Variants in C12orf50 observed in about 807,000 individuals in gnomAD.
C12orf50 encodes zinc finger CCCH-type containing 11D, also known as uncharacterized protein C12orf50.
In C12orf50, 35 loss-of-function variants were observed where a neutral mutation model predicts 61.6. That is an observed-to-expected ratio of 0.57 (90% CI 0.43 to 0.75). C12orf50 has a LOEUF of 0.75. Ranked by LOEUF, C12orf50 falls within the 30% of genes least tolerant of loss-of-function variation. C12orf50 has a pLI of 0.00. For missense variants in C12orf50, 475 were observed against 488.5 expected (o/e 0.97, Z 0.26); for synonymous variants, 178 against 161.5 (o/e 1.10, Z -0.77).
intron 3 of C12orf50, among the ~76,000 whole-genome samples, chr12:88,019,021 G>A (rs924213276): frequency 1.3e-5 from 2 of 152,176 alleles, no homozygotes; most frequent in African/African-American, 4.8e-5. Context: ...GACTTTTGGG[G>A]AATGTTGGGA....
intron 12 of C12orf50, 113 bp downstream of exon 12, chr12:87,982,990 G>A: frequency 1.8e-6 from 1 of 542,074 alleles, no homozygotes. Context: ...AAGTGTGCAT[G>A]TATATCTTGA....
chr12:87,990,806 A>T (rs1435429602), intron 7 of C12orf50, among the ~76,000 whole-genome samples: 1 of 152,128 alleles, frequency 6.6e-6, no homozygotes, highest in African/African-American at 2.4e-5. Context: ...AAAAAAGAAG[A>T]ACAACAAAGA....
In C12orf50 at chr12:87,994,251, TAATC is replaced by T. The variant is rs892808937; in HGVS notation, c.592+378_592+381del. Among the ~76,000 whole-genome samples the T allele has an allele frequency of 6.5e-3, 987 of 152,138 alleles. 13 individuals carry two copies. Among genetic ancestry groups the T allele is most frequent in the African/African-American group, 0.023 (948 of 41,506 alleles). On this transcript the variant is annotated intron_variant, in intron 7 of 12. Coordinates refer to ENST00000298699, the MANE Select transcript of C12orf50 (RefSeq NM_152589.3). ...TAAGTAGATAAATAAAAAGTAGACTTAATCAAATGATTTATTAAGTGCCTCCTTC... is the reference window on the plus strand; with the variant it reads ...TAAGTAGATAAATAAAAAGTAGACTTAAATGATTTATTAAGTGCCTCCTTC...
At chr12:88,021,840 T>C (rs1456511993) in intron 3 of C12orf50, among the ~76,000 whole-genome samples, 1 of 151,850 alleles carries the variant, frequency 6.6e-6, no homozygotes, top group East Asian at 1.9e-4. Context: ...TATAACTGTA[T>C]AAGTAAGAAA....
intron 3 of C12orf50, among the ~76,000 whole-genome samples, chr12:88,002,331 T>C (rs916800993): frequency 1.3e-5 from 2 of 151,798 alleles, no homozygotes; most frequent in Non-Finnish European, 3.0e-5. Context: ...AAAACCATTA[T>C]ATTCAGAAGA....
intron 7 of C12orf50, among the ~76,000 whole-genome samples, chr12:87,994,057 G>A (rs1279834749): frequency 2.6e-5 from 4 of 151,818 alleles, no homozygotes; most frequent in Non-Finnish European, 5.9e-5. Flanking sequence ...AAAATTAGCC[G>A]GGTGTGGTGG....
Position 88,024,223 on chromosome 12 carries a change from T to A in C12orf50, c.133+2265A>T, listed in dbSNP as rs189829940. Among the ~76,000 whole-genome samples, 150 of 152,292 alleles carry A rather than the reference T, an allele frequency of 9.8e-4. 3 individuals carry two copies. The highest frequency in any genetic ancestry group is 3.5e-3 in the African/African-American group (145 of 41,574). Reference sequence around the variant, plus strand: ...GCCACTGTGCAAAGCAATGTAGCAATTATTTGAAGAACTTAGAAGAGAATT... The same window carrying A: ...GCCACTGTGCAAAGCAATGTAGCAAATATTTGAAGAACTTAGAAGAGAATT... On this transcript the variant is annotated intron_variant, in intron 3 of 12. Coordinates refer to ENST00000298699, the MANE Select transcript of C12orf50 (RefSeq NM_152589.3).
chr12:88,022,877 C>T (rs1194880490), intron 3 of C12orf50, among the ~76,000 whole-genome samples: 1 of 152,138 alleles, frequency 6.6e-6, no homozygotes, highest in African/African-American at 2.4e-5. Context: ...AATGGAAAAA[C>T]ATTCCATGCT....
In C12orf50 at chr12:88,026,997, C is replaced by T. The variant is rs1306686953; in HGVS notation, c.-35G>A. The T allele has an allele frequency of 6.2e-6, 10 of 1,613,926 alleles. No homozygotes were observed. The highest frequency in any genetic ancestry group is 1.6e-4 in the Middle Eastern group (1 of 6,062). ...TCTGCAAAGTGGATCTAAACATTTCCTCTCTCTCCATAATGAGCACACAGT... is the reference window on the plus strand; with the variant it reads ...TCTGCAAAGTGGATCTAAACATTTCTTCTCTCTCCATAATGAGCACACAGT... On this transcript the variant is annotated 5_prime_UTR_variant, in exon 2 of 13. Coordinates refer to ENST00000298699, the MANE Select transcript of C12orf50 (RefSeq NM_152589.3).
chr12:88,005,927 T>G (rs1377349327), intron 3 of C12orf50, among the ~76,000 whole-genome samples: 2 of 133,676 alleles, frequency 1.5e-5, no homozygotes, highest in African/African-American at 5.7e-5. Context: ...TTTTTTTTTT[T>G]TTTTTTTGAG....
chr12:88,028,903 T>C (rs945015092), intron 1 of C12orf50, among the ~76,000 whole-genome samples: 2 of 152,122 alleles, frequency 1.3e-5, no homozygotes, highest in Admixed American at 1.3e-4. Context: ...AAATTCAGTA[T>C]GTCAAAAATA....
In C12orf50 at chr12:87,987,930, G is replaced by A. The variant is rs559170825; in HGVS notation, c.737C>T (p.Thr246Ile). 2 of 1,610,910 alleles carry A rather than the reference G, an allele frequency of 1.2e-6. No individual in the cohort carries two copies. The highest frequency in any genetic ancestry group is 2.7e-5 in the African/African-American group (2 of 74,914). Residue 246 changes from threonine (T) to isoleucine (I), a missense_variant, in exon 9 of 13, where the codon ACT (threonine) becomes ATT (isoleucine). Transcript: ENST00000298699. Reference sequence around the variant, plus strand: ...ATGCGTTGTAGGTACTAGTCGGGTAGTTAGGGAATGCTTTGGATGAGGACT... The same window carrying A: ...ATGCGTTGTAGGTACTAGTCGGGTAATTAGGGAATGCTTTGGATGAGGACT... ...KDSPHPKHSL[T>I]TRLVPTTHVL... is the part of the protein sequence containing the mutation.
intron 4 of C12orf50, among the ~76,000 whole-genome samples, chr12:87,997,733 G>T (rs1315687426): frequency 3.9e-5 from 6 of 152,100 alleles, no homozygotes; most frequent in Admixed American, 3.9e-4. Flanking sequence ...CCCTGCAAAG[G>T]ACATGAACTC....
At chr12:87,996,265 G>T (rs900214839) in intron 6 of C12orf50, 109 bp downstream of exon 6, 2 of 767,720 alleles carry the variant, frequency 2.6e-6, no homozygotes, top group Non-Finnish European at 4.2e-6. Flanking sequence ...GCTCAATTAC[G>T]ATGTATTATT....
intron 1 of C12orf50, among the ~76,000 whole-genome samples, chr12:88,028,459 A>G (rs1385131642): frequency 6.6e-6 from 1 of 152,192 alleles, no homozygotes; most frequent in Non-Finnish European, 1.5e-5. Context: ...ACTAAGATCT[A>G]TACATCCTAA....
intron 7 of C12orf50, among the ~76,000 whole-genome samples, chr12:87,994,316 C>T (rs1023239845): frequency 6.6e-6 from 1 of 152,036 alleles, no homozygotes; most frequent in African/African-American, 2.4e-5. Flanking sequence ...ACAGCACATA[C>T]ATAACACCTG....
intron 4 of C12orf50, 64 bp downstream of exon 4, chr12:87,997,971 C>T: frequency 7.5e-7 from 1 of 1,339,556 alleles, no homozygotes; most frequent in Admixed American, 2.1e-5. Context: ...TACAGTTAAA[C>T]ACATATGTAA....
intron 11 of C12orf50, chr12:87,983,907 T>C (rs1380491861): frequency 9.3e-6 from 1 of 107,416 alleles, no homozygotes; most frequent in African/African-American, 2.5e-5. Context: ...ATATACCCAG[T>C]AATGGGATGG....
In C12orf50 at chr12:88,026,455, G is replaced by A. The variant is rs768493915; in HGVS notation, c.133+33C>T. Reference sequence around the variant, plus strand: ...CTAGTCCAAAACCAGATTAGAATATGGTAAGTCTATGTTATTCAAAAAATG... The same window carrying A: ...CTAGTCCAAAACCAGATTAGAATATAGTAAGTCTATGTTATTCAAAAAATG... On this transcript the variant is annotated intron_variant, in intron 3 of 12. Coordinates refer to ENST00000298699, the MANE Select transcript of C12orf50 (RefSeq NM_152589.3). 10 of 1,603,212 alleles carry A rather than the reference G, an allele frequency of 6.2e-6. No individual in the cohort carries two copies. The African/African-American group carries it at 1.3e-4, about 21-fold the overall frequency.
Sources: allele counts gnomAD v4.1 joint callset (sites outside exome capture counted in the v4.1 genomes callset), GRCh38; gene constraint gnomAD v4.1.1; transcripts MANE v1.5; gene names NCBI Gene and HGNC (gene_info 2026-07-23, HGNC 2026-07-21).